Variants in RMND1 observed in about 807,000 individuals in gnomAD.
RMND1 encodes the protein required for meiotic nuclear division protein 1 homolog.
RMND1 carries 41 observed loss-of-function variants against 54.0 expected under a neutral mutation model. The ratio of observed to expected loss-of-function variants is 0.76; its 90% confidence interval spans 0.59 to 0.98. The LOEUF (loss-of-function observed/expected upper bound fraction) is 0.98. Ranked by LOEUF, RMND1 falls within the 50% of genes least tolerant of loss-of-function variation. The probability of loss-of-function intolerance (pLI) is 0.00; values close to 1 mark genes in which losing one functional copy is unlikely to be tolerated. For missense variants in RMND1, 457 were observed against 532.0 expected (o/e 0.86, Z 1.39); for synonymous variants, 183 against 181.7 (o/e 1.01, Z -0.06).
At chr6:151,429,653 G>T (rs1780399941) in intron 5 of RMND1, among the ~76,000 whole-genome samples, 1 of 151,984 alleles carries the variant, frequency 6.6e-6, no homozygotes, top group African/African-American at 2.4e-5. Flanking sequence ...ATTTCCTTTG[G>T]ATAAATTTCT....
chr6:151,448,942 T>C (rs1275273453), intron 1 of RMND1, among the ~76,000 whole-genome samples: 1 of 148,988 alleles, frequency 6.7e-6, no homozygotes, highest in Non-Finnish European at 1.5e-5. Context: ...CCGGGCATGG[T>C]GGCATGGGCC....
At chr6:151,417,485 AT>A in intron 9 of RMND1, 86 bp from the exon 10 acceptor site, 8 of 1,156,812 alleles carry the variant, frequency 6.9e-6, no homozygotes, top group Non-Finnish European at 9.5e-6. Context: ...ATAGTGCTTT[AT>A]GAAAACTTTT....
chr6:151,430,139 G>A lies in RMND1; in HGVS notation c.728C>T (p.Thr243Ile), dbSNP rs1780412547. 2 of 1,594,864 alleles carry A rather than the reference G, an allele frequency of 1.3e-6. No individual in the cohort carries two copies. The highest frequency in any genetic ancestry group is 1.3e-5 in the African/African-American group (1 of 74,296). Residue 243 changes from threonine (T) to isoleucine (I), a missense_variant and splice_region_variant, in exon 5 of 12, where the codon ACT becomes ATT. Thr to Ile is a moderately conservative substitution (Grantham distance 89). Transcript: ENST00000444024. ...AAVFWNVKDK[T>I]MKHVMKVLEK... ...TTTCACATTTTTATTTACACTTACAGTTTTGTCTTTCACATTCCAAAACAC... is the reference window on the plus strand; with the variant it reads ...TTTCACATTTTTATTTACACTTACAATTTTGTCTTTCACATTCCAAAACAC...
intron 4 of RMND1, among the ~76,000 whole-genome samples, chr6:151,431,390 AC>A (rs1293813838): frequency 4.6e-5 from 7 of 152,212 alleles, no homozygotes; most frequent in Admixed American, 4.6e-4. Context: ...CTGAAGAATG[AC>A]CCTGCTTACA....
At chr6:151,408,948 G>C (rs1162592060) in intron 10 of RMND1, 2 of 152,294 alleles carry the variant, frequency 1.3e-5, no homozygotes, top group Non-Finnish European at 2.9e-5. Context: ...CAGTAGGAAA[G>C]TAGCATGTCA....
chr6:151,414,561 AAC>A (rs938144978), intron 10 of RMND1, among the ~76,000 whole-genome samples: 10 of 152,348 alleles, frequency 6.6e-5, no homozygotes, highest in African/African-American at 2.4e-4. Flanking sequence ...ACACATTTGA[AAC>A]AAACGAAAAA....
At chr6:151,430,372 C>A (rs1780418241) in intron 4 of RMND1, among the ~76,000 whole-genome samples, 195 bp from the exon 5 acceptor site, 1 of 152,188 alleles carries the variant, frequency 6.6e-6, no homozygotes, top group Non-Finnish European at 1.5e-5. Flanking sequence ...CTTGATAAAA[C>A]CTGACCTCCT....
intron 7 of RMND1, 81 bp from the exon 8 acceptor site, chr6:151,422,686 C>T (rs1003242374): frequency 1.7e-6 from 1 of 574,578 alleles, no homozygotes. Flanking sequence ...ACAGCATCTT[C>T]ACTACTATTT....
chr6:151,426,778 T>C (rs1780307694), intron 6 of RMND1, among the ~76,000 whole-genome samples: 1 of 151,140 alleles, frequency 6.6e-6, no homozygotes, highest in Non-Finnish European at 1.5e-5. Context: ...CTTTTTCCTC[T>C]TTTTTTTTGA....
chr6:151,422,511 C>T (rs1462959600), intron 8 of RMND1, 30 bp downstream of exon 8: 3 of 1,107,466 alleles, frequency 2.7e-6, no homozygotes, highest in Admixed American at 5.1e-5. Context: ...AAAATCAATC[C>T]TTGAATAAGC....
chr6:151,428,134 A>ATAAAAAG (rs1444994319), intron 5 of RMND1, among the ~76,000 whole-genome samples: 1 of 152,160 alleles, frequency 6.6e-6, no homozygotes, highest in Non-Finnish European at 1.5e-5. Context: ...TAAATAAAAA[A>ATAAAAAG]TAAAAAGTAA....
chr6:151,448,920 T>C lies in RMND1; in HGVS notation c.-14-3095A>G, dbSNP rs372023149. Among the ~76,000 whole-genome samples the C allele has an allele frequency of 5.9e-5, 9 of 151,522 alleles. No individual in the cohort carries two copies. In the East Asian group the frequency reaches 1.2e-3, roughly 20 times the overall value. Reference sequence around the variant, plus strand: ...GGCGAAACCCCGTGTCTACTAAAAATACAAAAATCAGCCGGGCATGGTGGC... The same window carrying C: ...GGCGAAACCCCGTGTCTACTAAAAACACAAAAATCAGCCGGGCATGGTGGC... On this transcript the variant is annotated intron_variant, in intron 1 of 11. Coordinates refer to ENST00000444024, the MANE Select transcript of RMND1 (RefSeq NM_017909.4).
At chr6:151,421,446 C>A in intron 8 of RMND1, 125 bp from the exon 9 acceptor site, 1 of 611,008 alleles carries the variant, frequency 1.6e-6, no homozygotes, top group Non-Finnish European at 2.9e-6. Context: ...TTTAGGATGG[C>A]TGTCTCCCAG....
chr6:151,415,615 C>G (rs926919804), intron 10 of RMND1, among the ~76,000 whole-genome samples: 3 of 151,594 alleles, frequency 2.0e-5, no homozygotes, highest in Non-Finnish European at 4.4e-5. Context: ...ACAGTGAAAC[C>G]CCATCTCTAC....
At chr6:151,442,888 A>G (rs1351487849) in intron 2 of RMND1, among the ~76,000 whole-genome samples, 1 of 152,074 alleles carries the variant, frequency 6.6e-6, no homozygotes, top group Admixed American at 6.6e-5. Flanking sequence ...AGTATCTCAG[A>G]TTATGATCTC....
At chr6:151,412,583 G>A (rs970031535) in intron 10 of RMND1, among the ~76,000 whole-genome samples, 2 of 152,186 alleles carry the variant, frequency 1.3e-5, no homozygotes, top group South Asian at 2.1e-4. Flanking sequence ...TATTAGTCCA[G>A]TCTCTCACTG....
At chr6:151,444,067 G>C (rs1410108361) in intron 2 of RMND1, among the ~76,000 whole-genome samples, 1 of 152,128 alleles carries the variant, frequency 6.6e-6, no homozygotes, top group African/African-American at 2.4e-5. Context: ...AAATAGATAC[G>C]GTATTTAGGA....
chr6:151,421,180 T>C (rs902354992), intron 9 of RMND1, 65 bp downstream of exon 9: 49 of 1,176,560 alleles, frequency 4.2e-5, no homozygotes, highest in African/African-American at 1.1e-4. Context: ...ACCACAGAAC[T>C]ATGGGAATGT....
chr6:151,440,507 C>T (rs1239085753), intron 2 of RMND1, among the ~76,000 whole-genome samples: 1 of 152,206 alleles, frequency 6.6e-6, no homozygotes, highest in African/African-American at 2.4e-5. Context: ...AATCTTTAAA[C>T]ACAATCTGTT....
Sources: allele counts gnomAD v4.1 joint callset (sites outside exome capture counted in the v4.1 genomes callset), GRCh38; gene constraint gnomAD v4.1.1; transcripts MANE v1.5; gene names NCBI Gene and HGNC (gene_info 2026-07-23, HGNC 2026-07-21).